ASB15: variants seen among roughly 807,000 people sequenced by gnomAD.
ASB15 encodes ankyrin repeat and SOCS box protein 15.
ASB15 carries 54 observed loss-of-function variants against 58.0 expected under a neutral mutation model. That is an observed-to-expected ratio of 0.93 (90% CI 0.75 to 1.17). The LOEUF is 1.17. Among genes scored for constraint, ASB15 ranks in the 50% most tolerant of loss-of-function variants. The pLI, the probability that ASB15 is intolerant of heterozygous loss-of-function variation, is 0.00. For synonymous variants in ASB15, 249 were observed against 262.4 expected, an observed-to-expected ratio of 0.95 and a Z score of 0.50; for missense variants, 680 against 707.4, an observed-to-expected ratio of 0.96 and a Z score of 0.44.
At chr7:123,592,480 T>C (rs947329334) in intron 1 of ASB15, among the ~76,000 whole-genome samples, 2 of 152,218 alleles carry the variant, frequency 1.3e-5, no homozygotes, top group Non-Finnish European at 2.9e-5. Flanking sequence ...TTCTGGTACG[T>C]TGTGTCTTTG....
At chr7:123,593,339 G>A (rs190312332) in intron 1 of ASB15, among the ~76,000 whole-genome samples, 17 of 152,168 alleles carry the variant, frequency 1.1e-4, no homozygotes, top group South Asian at 6.2e-4. Flanking sequence ...TATTTTGCCC[G>A]TTAATTGATG....
chr7:123,576,719 TA>T (rs1799076022), intron 1 of ASB15, among the ~76,000 whole-genome samples: 1 of 152,146 alleles, frequency 6.6e-6, no homozygotes, highest in Non-Finnish European at 1.5e-5. Flanking sequence ...AAACAGCTTT[TA>T]CTACACACTT....
upstream of ASB15, among the ~76,000 whole-genome samples, chr7:123,597,069 G>A (rs886220507): frequency 6.6e-5 from 10 of 152,130 alleles, no homozygotes; most frequent in Non-Finnish European, 8.8e-5. Context: ...TCTTACACAC[G>A]GTTTTGCTTG....
chr7:123,583,393 C>G (rs990853652), intron 1 of ASB15, among the ~76,000 whole-genome samples: 1 of 151,766 alleles, frequency 6.6e-6, no homozygotes, highest in Non-Finnish European at 1.5e-5. Flanking sequence ...TGAAGTGTAG[C>G]AAATTTCTAA....
At chr7:123,616,582 G>C in intron 6 of ASB15, 87 bp downstream of exon 6, 1 of 1,384,098 alleles carries the variant, frequency 7.2e-7, no homozygotes, top group South Asian at 1.4e-5. Context: ...AACATAACTA[G>C]CAGAAAGAAA....
At position 123,568,250 on chromosome 7, in the gene ASB15, C is replaced by T. The variant is rs530573749; in HGVS notation, c.-443+1162C>T. Among the ~76,000 whole-genome samples the T allele has an allele frequency of 4.6e-5, 7 of 152,178 alleles. No individual in the cohort carries two copies. The East Asian group carries it at 1.2e-3, about 25-fold the overall frequency. Reference sequence around the variant, plus strand: ...AAAACTGGCTGGGCGCGGTGGCTCACGCCTGTAATCCCAGCACTTTGGGAG... The same window carrying T: ...AAAACTGGCTGGGCGCGGTGGCTCATGCCTGTAATCCCAGCACTTTGGGAG... On this transcript the variant is annotated intron_variant, in intron 1 of 13. Transcript: ENST00000451558.
intron 1 of ASB15, among the ~76,000 whole-genome samples, chr7:123,583,084 G>T (rs1030497047): frequency 6.6e-6 from 1 of 151,866 alleles, no homozygotes; most frequent in Admixed American, 6.6e-5. Context: ...GTTCAGATGA[G>T]AGAACATAAA....
chr7:123,602,464 C>A (rs1799930796), intron 1 of ASB15, among the ~76,000 whole-genome samples: 1 of 152,054 alleles, frequency 6.6e-6, no homozygotes, highest in African/African-American at 2.4e-5. Context: ...TAAAATTTAT[C>A]TGATATCGTC....
intron 1 of ASB15, among the ~76,000 whole-genome samples, chr7:123,580,894 G>A (rs805787): frequency 0.32 from 48,488 of 151,806 alleles, 7,976 homozygotes; most frequent in East Asian, 0.4. Context: ...GTCAGAGACC[G>A]TTCGGTTAAG....
At chr7:123,584,545 A>T (rs1799325694) in intron 1 of ASB15, among the ~76,000 whole-genome samples, 1 of 151,928 alleles carries the variant, frequency 6.6e-6, no homozygotes, top group African/African-American at 2.4e-5. Flanking sequence ...TTCTCCCTGT[A>T]ATAGATTAGT....
At chr7:123,628,413 G>A (rs566931334) in intron 9 of ASB15, among the ~76,000 whole-genome samples, 45 of 152,282 alleles carry the variant, frequency 3.0e-4, no homozygotes, top group Non-Finnish European at 5.7e-4. Context: ...GTTAAATGAA[G>A]CAGTTGGACT....
At chr7:123,570,434 G>C (rs1798878116) in intron 1 of ASB15, among the ~76,000 whole-genome samples, 2 of 151,828 alleles carry the variant, frequency 1.3e-5, no homozygotes, top group Non-Finnish European at 2.9e-5. Context: ...AGAGTGGCAG[G>C]GACTGTTACT....
chr7:123,629,827 A>T lies in ASB15; in HGVS notation c.1441-139A>T, dbSNP rs573157322. The stretch of plus-strand genomic sequence containing the variant: ...TTTCACAGAGAGAAGCAAACAATTT[A>T]TTTTTAATTTTTGTTCATTACAAGG... On this transcript the variant is annotated intron_variant, in intron 10 of 11. Transcript: ENST00000451215. 28 of 672,366 alleles carry T rather than the reference A, an allele frequency of 4.2e-5. No homozygotes were observed. In the South Asian group the frequency reaches 7.7e-4, roughly 19 times the overall value. The allele number at this position is 672,366 out of a possible 1,614,324, so 41.7% of individuals were successfully genotyped here.
At chr7:123,606,934 G>A (rs1377196874) in intron 2 of ASB15, among the ~76,000 whole-genome samples, 2 of 152,164 alleles carry the variant, frequency 1.3e-5, no homozygotes, top group African/African-American at 4.8e-5. Flanking sequence ...ATCTCTCTGA[G>A]ATAGTGATTT....
chr7:123,609,686 G>A (rs920734099), intron 3 of ASB15, among the ~76,000 whole-genome samples: 22 of 152,178 alleles, frequency 1.4e-4, no homozygotes, highest in African/African-American at 4.8e-4. Context: ...AGTTGTATTC[G>A]TCCTTTTTCA....
At chr7:123,574,636 AG>A (rs1356066356) in intron 1 of ASB15, among the ~76,000 whole-genome samples, 1 of 152,116 alleles carries the variant, frequency 6.6e-6, no homozygotes, top group African/African-American at 2.4e-5. Flanking sequence ...CCCAAGTTTG[AG>A]GCCCTCTAAC....
chr7:123,608,865 T>C (rs918695946), intron 3 of ASB15, among the ~76,000 whole-genome samples: 1 of 152,086 alleles, frequency 6.6e-6, no homozygotes. Flanking sequence ...TGTATTTATA[T>C]TGATTTCTCC....
At chr7:123,607,391 A>T (rs990196190) in intron 2 of ASB15, among the ~76,000 whole-genome samples, 2 of 152,162 alleles carry the variant, frequency 1.3e-5, no homozygotes, top group Non-Finnish European at 2.9e-5. Flanking sequence ...TGGGACATTT[A>T]TGTTGTTTCT....
At chr7:123,580,370 C>T (rs805786) in intron 1 of ASB15, among the ~76,000 whole-genome samples, 1 of 151,768 alleles carries the variant, frequency 6.6e-6, no homozygotes, top group Non-Finnish European at 1.5e-5. Flanking sequence ...GTGAGTGAAG[C>T]AGTCATCACA....
Sources: gnomAD v4.1 joint callset for allele counts (sites outside exome capture counted in the v4.1 genomes callset) on GRCh38, gnomAD v4.1.1 for gene constraint, MANE v1.5 for transcripts, NCBI Gene and HGNC (gene_info 2026-07-23, HGNC 2026-07-21) for gene names.